Variants in WDFY3 observed in about 807,000 individuals in gnomAD.
WDFY3 encodes WD repeat and FYVE domain containing 3.
In WDFY3, 66 loss-of-function variants were observed where a neutral mutation model predicts 409.6. The ratio of observed to expected loss-of-function variants is 0.16; its 90% CI spans 0.13 to 0.20. The LOEUF is 0.20. WDFY3 is among the 10% of genes least tolerant of loss of function. The pLI is 1.00. For missense variants in WDFY3, 3,031 were observed against 4,298.1 expected (o/e 0.71, Z 8.24); for synonymous variants, 1,521 against 1,537.1 (o/e 0.99, Z 0.25).
At chr4:84,963,468 G>A (rs1775199640) in intron 1 of WDFY3, among the ~76,000 whole-genome samples, 1 of 151,700 alleles carries the variant, frequency 6.6e-6, no homozygotes, top group Admixed American at 6.6e-5. Context: ...AAGAAGAGGG[G>A]AAATTCGTAA....
intron 2 of WDFY3, among the ~76,000 whole-genome samples, chr4:84,904,752 A>G (rs1222711680): frequency 6.6e-6 from 1 of 152,214 alleles, no homozygotes; most frequent in Non-Finnish European, 1.5e-5. Flanking sequence ...ACAACTTTAA[A>G]TACCATCTGT....
intron 10 of WDFY3, among the ~76,000 whole-genome samples, chr4:84,822,282 A>G (rs566189634): frequency 1.2e-4 from 18 of 152,308 alleles, no homozygotes; most frequent in African/African-American, 4.3e-4. Flanking sequence ...TCCCCAGAAC[A>G]ATACCTATTA....
chr4:84,842,555 C>G (rs367898235), intron 5 of WDFY3, among the ~76,000 whole-genome samples: 6 of 151,728 alleles, frequency 4.0e-5, no homozygotes, highest in African/African-American at 1.5e-4. Flanking sequence ...TGGTGGCTCA[C>G]GCCACCAAGG....
chr4:84,752,702 G>T (rs186412259), intron 35 of WDFY3, among the ~76,000 whole-genome samples: 7 of 151,934 alleles, frequency 4.6e-5, no homozygotes, highest in Middle Eastern at 3.4e-3. Context: ...AATAAGTATT[G>T]TACCTTTATA....
chr4:84,797,943 C>T (rs1749797826), intron 18 of WDFY3, 53 bp downstream of exon 18: 2 of 1,444,738 alleles, frequency 1.4e-6, no homozygotes, highest in East Asian at 2.3e-5. Context: ...TATTCATCCC[C>T]TACATGATTT....
intron 40 of WDFY3, 114 bp from the exon 41 acceptor site, chr4:84,737,480 T>A: frequency 8.1e-7 from 1 of 1,239,658 alleles, no homozygotes; most frequent in Non-Finnish European, 1.1e-6. Flanking sequence ...CTACAGTATT[T>A]AATGTAAAAA....
rs777599440 is a variant in WDFY3, at chr4:84,826,794, A to G, written c.1123+21T>C. On this transcript the variant is annotated intron_variant, in intron 10 of 67. Coordinates refer to ENST00000295888, the MANE Select transcript of WDFY3 (RefSeq NM_014991.6). Reference sequence around the variant, plus strand: ...TTCTCTATTTCTCTCAGTAGCACAGAAGGGAAAAAACAAGACTCACCTTTG... The same window carrying G: ...TTCTCTATTTCTCTCAGTAGCACAGGAGGGAAAAAACAAGACTCACCTTTG... The G allele has an allele frequency of 2.7e-5, 43 of 1,575,930 alleles. No individual in the cohort carries two copies. The South Asian group carries it at 5.0e-4, about 18-fold the overall frequency.
At chr4:84,724,282 C>A (rs1205731002) in intron 46 of WDFY3, 144 bp downstream of exon 46, 2 of 900,632 alleles carry the variant, frequency 2.2e-6, no homozygotes, top group Non-Finnish European at 1.6e-6. Flanking sequence ...AGAAATCAAT[C>A]TTTAAGAAGG....
Position 84,919,013 on chromosome 4 carries a change from C to T in WDFY3, c.-132+13257G>A, listed in dbSNP as rs1768902770. Among the ~76,000 whole-genome samples, 3 of 151,918 alleles carry T rather than the reference C, an allele frequency of 2.0e-5. No individual in the cohort carries two copies. In the South Asian group the frequency reaches 6.2e-4, roughly 32 times the overall value. The stretch of plus-strand genomic sequence containing the variant: ...GGACTAAGGCTCCTAGGAGAAATGA[C>T]TGACTCCAGTGCTGGGCAATAAATG... On this transcript the variant is annotated intron_variant, in intron 2 of 67. Coordinates refer to ENST00000295888, the MANE Select transcript of WDFY3 (RefSeq NM_014991.6).
chr4:84,856,789 A>G (rs1186024569), intron 4 of WDFY3, among the ~76,000 whole-genome samples: 1 of 152,220 alleles, frequency 6.6e-6, no homozygotes, highest in Non-Finnish European at 1.5e-5. Flanking sequence ...CTAATCAAGC[A>G]AAGTCTCAAA....
At chr4:84,921,068 A>G (rs1342389486) in intron 2 of WDFY3, among the ~76,000 whole-genome samples, 1 of 152,178 alleles carries the variant, frequency 6.6e-6, no homozygotes, top group East Asian at 1.9e-4. Flanking sequence ...GATTAACTTG[A>G]AAAAAACCCA....
At chr4:84,735,226 A>AAGCAC in intron 42 of WDFY3, 106 bp from the exon 43 acceptor site, 1 of 1,058,160 alleles carries the variant, frequency 9.5e-7, no homozygotes, top group East Asian at 2.6e-5. Context: ...ATTCTGCCAA[A>AAGCAC]AGCACCAAAA....
chr4:84,800,973 AC>A (rs1427955266), intron 17 of WDFY3, among the ~76,000 whole-genome samples: 1 of 151,926 alleles, frequency 6.6e-6, no homozygotes, highest in African/African-American at 2.4e-5. Context: ...GGGGTTTGAG[AC>A]CCCTGCTCAT....
intron 58 of WDFY3, 111 bp downstream of exon 58, chr4:84,695,859 G>T: frequency 1.0e-6 from 1 of 1,002,868 alleles, no homozygotes; most frequent in Non-Finnish European, 1.5e-6. Flanking sequence ...TGATATTTAT[G>T]GCTCTTTATT....
chr4:84,799,979 GTCTC>G (rs141953065), intron 17 of WDFY3, among the ~76,000 whole-genome samples: 8 of 151,434 alleles, frequency 5.3e-5, no homozygotes, highest in Admixed American at 6.6e-5. Context: ...ATGGGACAAT[GTCTC>G]TCTCTCTCTC....
At chr4:84,772,649 G>C (rs1744866487) in intron 30 of WDFY3, among the ~76,000 whole-genome samples, 186 bp downstream of exon 30, 1 of 151,990 alleles carries the variant, frequency 6.6e-6, no homozygotes, top group Admixed American at 6.6e-5. Context: ...AAATTTTGTA[G>C]GCAATACTGT....
chr4:84,741,325 T>C (rs1421002355), intron 38 of WDFY3, among the ~76,000 whole-genome samples: 2 of 151,924 alleles, frequency 1.3e-5, no homozygotes, highest in Admixed American at 6.6e-5. Flanking sequence ...AGTTTTTTTT[T>C]TTTTTTTGAG....
chr4:84,781,722 C>T lies in WDFY3; in HGVS notation c.4174+1241G>A, dbSNP rs537959529. Among the ~76,000 whole-genome samples the T allele has an allele frequency of 5.9e-5, 9 of 152,320 alleles. No homozygotes were observed. In the East Asian group the frequency reaches 1.7e-3, roughly 29 times the overall value. ...GCTGGAACCTAAGTCTCTGAACTTA[C>T]TGCTCACTGCTCTTTCCACTATACC... On this transcript the variant is annotated intron_variant, in intron 25 of 67. Coordinates refer to ENST00000295888, the MANE Select transcript of WDFY3 (RefSeq NM_014991.6).
intron 33 of WDFY3, among the ~76,000 whole-genome samples, chr4:84,756,347 G>A (rs1032140418): frequency 6.6e-6 from 1 of 152,006 alleles, no homozygotes; most frequent in Non-Finnish European, 1.5e-5. Flanking sequence ...CACTTTGGGA[G>A]GCTGAGGCAG....
Sources: allele counts gnomAD v4.1 joint callset (sites outside exome capture counted in the v4.1 genomes callset), GRCh38; gene constraint gnomAD v4.1.1; transcripts MANE v1.5; gene names NCBI Gene and HGNC (gene_info 2026-07-23, HGNC 2026-07-21).